The following ZNF316 variants were observed in gnomAD, a reference collection of about 807,000 sequenced individuals.
ZNF316 encodes the protein zinc finger protein 316.
Under a neutral mutation model 75.6 loss-of-function variants are expected in ZNF316, and 23 were observed. That is an observed-to-expected ratio of 0.30 (90% CI 0.22 to 0.43). The LOEUF (loss-of-function observed/expected upper bound fraction) is 0.43. ZNF316 is among the 20% of genes least tolerant of loss of function. The pLI, the probability that ZNF316 is intolerant of heterozygous loss-of-function variation, is 1.00. For missense variants in ZNF316, 1,266 were observed against 1,409.4 expected (o/e 0.90, Z 1.63); for synonymous variants, 827 against 666.2 (o/e 1.24, Z -3.72).
At position 6,642,862 on chromosome 7, in the gene ZNF316, G is replaced by T; in HGVS notation, c.355+98G>T. 1 of 1,232,022 alleles carries T rather than the reference G, an allele frequency of 8.1e-7. No homozygotes were observed. Among genetic ancestry groups the T allele is most frequent in the African/African-American group, 1.5e-5 (1 of 64,534 alleles). The allele number at this position is 1,232,022 out of a possible 1,614,324, so 76.3% of individuals were successfully genotyped here. A position where few individuals can be genotyped will look rare whatever the true frequency, so the allele number is the denominator to read the frequency against. On this transcript the variant is annotated intron_variant, in intron 5 of 8. Transcript: ENST00000382252. The surrounding 1 kb of genome is among the most constrained non-coding windows in gnomAD (Gnocchi z 8.1). ...CCAGGAGGGCTCTTGGGCCGACAGG[G>T]TGGAGCTGAAACCCAGCTTTGCAAT...
chr7:6,647,977 G>T (rs959914356), intron 8 of ZNF316, among the ~76,000 whole-genome samples: 1 of 152,226 alleles, frequency 6.6e-6, no homozygotes, highest in Non-Finnish European at 1.5e-5. Flanking sequence ...TGTTCTGGGG[G>T]CTGTGCTGCT....
intron 8 of ZNF316, among the ~76,000 whole-genome samples, chr7:6,647,273 G>C (rs552351213): frequency 6.6e-6 from 1 of 152,142 alleles, no homozygotes; most frequent in Non-Finnish European, 1.5e-5. Context: ...AGACCTGGCA[G>C]CCTGGCCAAG....
At chr7:6,650,271 G>A (rs1184132557) in intron 8 of ZNF316, among the ~76,000 whole-genome samples, 1 of 152,240 alleles carries the variant, frequency 6.6e-6, no homozygotes, top group African/African-American at 2.4e-5. Flanking sequence ...GGTGGCCACT[G>A]ATGGGGACGG....
chr7:6,638,397 G>T (rs999251101), intron 2 of ZNF316, among the ~76,000 whole-genome samples: 7 of 152,156 alleles, frequency 4.6e-5, no homozygotes, highest in African/African-American at 1.7e-4. Flanking sequence ...GGCTCTGAGG[G>T]CAGCGGGGGC....
chr7:6,648,059 T>C (rs886283306), intron 8 of ZNF316, among the ~76,000 whole-genome samples: 1 of 152,174 alleles, frequency 6.6e-6, no homozygotes, highest in African/African-American at 2.4e-5. Context: ...GGACAGAAGC[T>C]GGAGAGCCTG....
At position 6,658,026 on chromosome 7, in the gene ZNF316, A is replaced by G. The variant is rs2115326535; in HGVS notation, c.*3415A>G. ...TGACTTGTGAAATGTGAGTCACGAA[A>G]GGTGGCACTTAGAGGGTCCCTCAGC... On this transcript the variant is annotated 3_prime_UTR_variant, in exon 9 of 9. Coordinates refer to ENST00000382252, the MANE Select transcript of ZNF316 (RefSeq NM_001278559.2). Among the ~76,000 whole-genome samples, 1 of 152,252 alleles carries G rather than the reference A, an allele frequency of 6.6e-6. No individual in the cohort carries two copies. The highest frequency in any genetic ancestry group is 2.4e-5 in the African/African-American group (1 of 41,558).
Position 6,654,364 on chromosome 7 carries a change from G to A in ZNF316, c.2768G>A (p.Arg923His). The A allele has an allele frequency of 8.2e-7, 1 of 1,219,852 alleles. No individual in the cohort carries two copies. Among genetic ancestry groups the A allele is most frequent in the Non-Finnish European group, 1.0e-6 (1 of 980,248 alleles). 75.6% of individuals were successfully genotyped at this position (1,219,852 alleles called of 1,614,324 possible). A position where few individuals can be genotyped will look rare whatever the true frequency, so the allele number is the denominator to read the frequency against. ...RPYACANCGRRFSQSSHLLTH... is the reference protein window; with the variant it reads ...RPYACANCGRHFSQSSHLLTH... The stretch of plus-strand genomic sequence containing the variant: ...TACGCCTGCGCCAACTGCGGCCGCC[G>A]CTTCTCGCAGAGCTCGCACTTGCTC... Residue 923 changes from arginine (R) to histidine (H), a missense_variant, in exon 9 of 9, where the codon CGC (arginine) becomes CAC (histidine). Transcript: ENST00000382252.
intron 8 of ZNF316, among the ~76,000 whole-genome samples, chr7:6,645,072 G>A (rs1779375799): frequency 6.6e-6 from 1 of 152,260 alleles, no homozygotes; most frequent in African/African-American, 2.4e-5. Flanking sequence ...GCATTCTGGA[G>A]AGGAGGTTTT....
At chr7:6,641,648 G>A (rs1779313911) in intron 3 of ZNF316, among the ~76,000 whole-genome samples, 177 bp from the exon 4 acceptor site, 1 of 152,256 alleles carries the variant, frequency 6.6e-6, no homozygotes, top group Admixed American at 6.5e-5. Context: ...GCTTTGGTAA[G>A]TCAGCCCTCA....
Position 6,655,454 on chromosome 7 carries a change from C to T in ZNF316, c.*843C>T, listed in dbSNP as rs552076349. On this transcript the variant is annotated 3_prime_UTR_variant, in exon 9 of 9. Transcript: ENST00000382252. ...TCTCAGTCCTTGGTACTTTCGTCTCCCTCAGCCGGAGGTGGCAAACTCAGA... is the reference window on the plus strand; with the variant it reads ...TCTCAGTCCTTGGTACTTTCGTCTCTCTCAGCCGGAGGTGGCAAACTCAGA... 4 of 152,220 alleles carry T rather than the reference C, an allele frequency of 2.6e-5. No individual in the cohort carries two copies. Among genetic ancestry groups the T allele is most frequent in the South Asian group, 2.1e-4 (1 of 4,816 alleles). The allele number at this position is 152,220 out of a possible 1,614,324, so 9.4% of individuals were successfully genotyped here. A position where few individuals can be genotyped will look rare whatever the true frequency, so the allele number is the denominator to read the frequency against.
At position 6,640,869 on chromosome 7, in the gene ZNF316, C is replaced by G. The variant is rs1471757304; in HGVS notation, c.-166-956C>G. On this transcript the variant is annotated intron_variant, in intron 3 of 8. Transcript: ENST00000382252. This position sits in a 1 kb window ranked among gnomAD's most constrained non-coding sequence, Gnocchi z 5.1. The stretch of plus-strand genomic sequence containing the variant: ...GGGCTTCCTCCCTCTCTCTTGCTGC[C>G]CCTTTGCCTCCCTCCACGAGTGGAA... Among the ~76,000 whole-genome samples, 2 of 152,186 alleles carry G rather than the reference C, an allele frequency of 1.3e-5. No homozygotes were observed. The highest frequency in any genetic ancestry group is 1.3e-4 in the Admixed American group (2 of 15,274).
chr7:6,643,851 G>A lies in ZNF316; in HGVS notation c.495G>A (p.Val165=). 1 of 1,238,570 alleles carries A rather than the reference G, an allele frequency of 8.1e-7. No individual in the cohort carries two copies. Among genetic ancestry groups the A allele is most frequent in the Non-Finnish European group, 1.0e-6 (1 of 992,098 alleles). 76.7% of individuals were successfully genotyped at this position (1,238,570 alleles called of 1,614,324 possible). A position where few individuals can be genotyped will look rare whatever the true frequency, so the allele number is the denominator to read the frequency against. Residue 165 remains valine, a synonymous_variant, in exon 7 of 9, where the codon GTG becomes GTA. Coordinates refer to ENST00000382252, the MANE Select transcript of ZNF316 (RefSeq NM_001278559.2). ...TGGTGACGTTTGAAGATGTGGCTGT[G>A]TACTTCTCCCTGGAGGAGTGGGAAA... ...QELVTFEDVA[V]YFSLEEWERL...
chr7:6,651,431 G>A (rs1779505458), intron 8 of ZNF316, among the ~76,000 whole-genome samples: 1 of 152,170 alleles, frequency 6.6e-6, no homozygotes, highest in Non-Finnish European at 1.5e-5. Context: ...GAGGTGGGCA[G>A]ATCACCTGAG....
chr7:6,643,216 T>G lies in ZNF316; in HGVS notation c.465+143T>G, dbSNP rs59823415. ...CCAGGCCCAGGCCCTGAGCTGGGAG[T>G]GGCCACAGGAAGCGGCTGGGTGTCC... On this transcript the variant is annotated intron_variant, in intron 6 of 8. Coordinates refer to ENST00000382252, the MANE Select transcript of ZNF316 (RefSeq NM_001278559.2). 783 of 1,170,508 alleles carry G rather than the reference T, an allele frequency of 6.7e-4. 9 individuals are homozygous for G. The African/African-American group carries it at 7.5e-3, about 11-fold the overall frequency. 72.5% of individuals were successfully genotyped at this position (1,170,508 alleles called of 1,614,324 possible).
At position 6,642,808 on chromosome 7, in the gene ZNF316, A is replaced by C; in HGVS notation, c.355+44A>C. The C allele has an allele frequency of 3.2e-6, 4 of 1,232,764 alleles. No individual in the cohort carries two copies. The highest frequency in any genetic ancestry group is 4.0e-6 in the Non-Finnish European group (4 of 988,422). 76.4% of individuals were successfully genotyped at this position (1,232,764 alleles called of 1,614,324 possible). On this transcript the variant is annotated intron_variant, in intron 5 of 8. Transcript: ENST00000382252. This position sits in a 1 kb window ranked among gnomAD's most constrained non-coding sequence, Gnocchi z 8.1. ...CTTGGGGAGGAGATGAAGGGGGCTG[A>C]GGTGGGCCAGGCCAGGGACCTGGTC... is the stretch of plus-strand genomic sequence containing the variant.
chr7:6,650,666 T>C (rs575366022), intron 8 of ZNF316, among the ~76,000 whole-genome samples: 6 of 152,286 alleles, frequency 3.9e-5, no homozygotes, highest in African/African-American at 1.4e-4. Context: ...TGGTCCAGGC[T>C]TATCCAGCTA....
intron 7 of ZNF316, 89 bp from the exon 8 acceptor site, chr7:6,644,391 A>G: frequency 1.6e-6 from 1 of 606,400 alleles, no homozygotes; most frequent in Non-Finnish European, 2.4e-6. Context: ...ATGGAGGTGG[A>G]GGGGCACTGA....
intron 8 of ZNF316, among the ~76,000 whole-genome samples, chr7:6,647,669 G>A (rs1179457269): frequency 3.9e-5 from 6 of 152,358 alleles, no homozygotes; most frequent in African/African-American, 7.2e-5. Flanking sequence ...TGGACTCGCC[G>A]TGGGGCCCAG....
At position 6,649,457 on chromosome 7, in the gene ZNF316, G is replaced by A. The variant is rs76983252; in HGVS notation, c.707-2846G>A. Among the ~76,000 whole-genome samples, 537 of 152,320 alleles carry A rather than the reference G, an allele frequency of 3.5e-3. 1 individual carries two copies. Among genetic ancestry groups the A allele is most frequent in the African/African-American group, 0.012 (502 of 41,570 alleles). On this transcript the variant is annotated intron_variant, in intron 8 of 8. Coordinates refer to ENST00000382252, the MANE Select transcript of ZNF316 (RefSeq NM_001278559.2). ...TGCCCCGGCTTGGGTCTGATGAGTT[G>A]AGCTGTGATGAGGCCTGACTTAGAT...
Sources: allele counts gnomAD v4.1 joint callset (sites outside exome capture counted in the v4.1 genomes callset), GRCh38; gene constraint gnomAD v4.1.1; non-coding constraint Gnocchi (gnomAD v3.1); transcripts MANE v1.5; gene names NCBI Gene and HGNC (gene_info 2026-07-23, HGNC 2026-07-21).